CSTPP1: variants seen among roughly 807,000 people sequenced by gnomAD.
CSTPP1 encodes the protein UPF0705 protein C11orf49.
chr11:47,116,583 T>C, the CSTPP1 span, among the ~76,000 whole-genome samples: 1 of 152,128 alleles, frequency 6.6e-6, no homozygotes, highest in African/African-American at 2.4e-5. Context: ...TGGCCTTCTT[T>C]GTCTCTTTTG....
At chr11:47,145,324 A>G in the CSTPP1 span, among the ~76,000 whole-genome samples, 1 of 151,940 alleles carries the variant, frequency 6.6e-6, no homozygotes, top group Non-Finnish European at 1.5e-5. Context: ...GCATGGTGGC[A>G]CACGCCTGTA....
chr11:47,113,306 T>G, the CSTPP1 span, among the ~76,000 whole-genome samples: 1 of 152,250 alleles, frequency 6.6e-6, no homozygotes, highest in Non-Finnish European at 1.5e-5. Flanking sequence ...AACATACGTA[T>G]GCATGTGTCT....
the CSTPP1 span, among the ~76,000 whole-genome samples, chr11:46,958,570 A>G: frequency 6.6e-6 from 1 of 152,100 alleles, no homozygotes; most frequent in Non-Finnish European, 1.5e-5. Context: ...TTGAAGTCCC[A>G]ATGTGCTGGG....
At chr11:46,969,868 G>T in the CSTPP1 span, among the ~76,000 whole-genome samples, 2 of 152,076 alleles carry the variant, frequency 1.3e-5, no homozygotes, top group African/African-American at 4.8e-5. Flanking sequence ...GGGTTCAAGC[G>T]ATTCTCATGC....
the CSTPP1 span, among the ~76,000 whole-genome samples, chr11:47,016,681 G>A: frequency 6.6e-6 from 1 of 152,090 alleles, no homozygotes; most frequent in Non-Finnish European, 1.5e-5. Flanking sequence ...TTGTGGACAG[G>A]AGGTCACAGG....
the CSTPP1 span, among the ~76,000 whole-genome samples, chr11:46,940,783 A>G: frequency 1.3e-5 from 2 of 152,336 alleles, no homozygotes; most frequent in Non-Finnish European, 2.9e-5. Flanking sequence ...ATGTCAAGCA[A>G]TGCCTAGACT....
At chr11:47,137,316 A>T in the CSTPP1 span, 1 of 1,361,944 alleles carries the variant, frequency 7.3e-7, no homozygotes, top group Non-Finnish European at 9.6e-7. Context: ...GTTCTTCCAG[A>T]TTTTTATATA....
At chr11:47,038,122 C>T in the CSTPP1 span, among the ~76,000 whole-genome samples, 2 of 24,680 alleles carry the variant, frequency 8.1e-5, no homozygotes, top group African/African-American at 2.5e-4. Context: ...CCACCTCCCT[C>T]CCGGATGGGG....
the CSTPP1 span, among the ~76,000 whole-genome samples, chr11:47,101,308 A>T: frequency 1.3e-5 from 2 of 150,728 alleles, no homozygotes; most frequent in Non-Finnish European, 2.9e-5. Flanking sequence ...CATTGATTTA[A>T]TTGAGAGAAT....
the CSTPP1 span, among the ~76,000 whole-genome samples, chr11:46,984,979 G>A: frequency 6.6e-6 from 1 of 152,080 alleles, no homozygotes; most frequent in Non-Finnish European, 1.5e-5. Flanking sequence ...GAAATTGGCA[G>A]GTATTATCTC....
At chr11:46,936,839 T>A in the CSTPP1 span, 1 of 1,598,114 alleles carries the variant, frequency 6.3e-7, no homozygotes. Context: ...CCTACCGGAC[T>A]ACGAGTATCT....
At chr11:46,980,204 C>G in the CSTPP1 span, among the ~76,000 whole-genome samples, 434 of 152,252 alleles carry the variant, frequency 2.9e-3, 2 homozygotes, top group African/African-American at 9.9e-3. Context: ...GTACAATACC[C>G]CTTTTGGTTG....
the CSTPP1 span, chr11:47,161,304 GA>G: frequency 6.3e-7 from 1 of 1,598,022 alleles, no homozygotes; most frequent in Non-Finnish European, 8.5e-7. Context: ...ATCTGCCAGG[GA>G]AGGGTCTGGG....
chr11:47,099,684 G>A, the CSTPP1 span, among the ~76,000 whole-genome samples: 1 of 152,220 alleles, frequency 6.6e-6, no homozygotes, highest in African/African-American at 2.4e-5. Context: ...TGTTTGATAA[G>A]TGCAGTCCTG....
chr11:46,955,990 C>A, the CSTPP1 span, among the ~76,000 whole-genome samples: 1,096 of 143,634 alleles, frequency 7.6e-3, 32 homozygotes, highest in East Asian at 0.019. Context: ...CCATCCACCC[C>A]CCCCCCCCCA....
At chr11:47,141,111 T>C in the CSTPP1 span, among the ~76,000 whole-genome samples, 1 of 152,236 alleles carries the variant, frequency 6.6e-6, no homozygotes, top group African/African-American at 2.4e-5. Context: ...ACAATTCACA[T>C]ACCATACACT....
the CSTPP1 span, among the ~76,000 whole-genome samples, chr11:47,149,864 G>T: frequency 6.6e-6 from 1 of 151,932 alleles, no homozygotes; most frequent in African/African-American, 2.4e-5. Flanking sequence ...CCTTTGGGAA[G>T]TATGAGCCTT....
At chr11:47,128,287 C>T in the CSTPP1 span, among the ~76,000 whole-genome samples, 12 of 152,272 alleles carry the variant, frequency 7.9e-5, no homozygotes, top group East Asian at 1.7e-3. Context: ...CTTCTTTCCT[C>T]GACTTCTCGT....
the CSTPP1 span, among the ~76,000 whole-genome samples, chr11:47,064,220 C>T: frequency 6.6e-6 from 1 of 152,032 alleles, no homozygotes; most frequent in Non-Finnish European, 1.5e-5. Flanking sequence ...GATATTCATT[C>T]CTTATCAGGT....
Sources: gnomAD v4.1 joint callset for allele counts (sites outside exome capture counted in the v4.1 genomes callset) on GRCh38, gnomAD v4.1.1 for gene constraint, MANE v1.5 for transcripts, NCBI Gene and HGNC (gene_info 2026-07-23, HGNC 2026-07-21) for gene names.